NRXN1: variants seen among roughly 807,000 people sequenced by gnomAD.
NRXN1 encodes the protein neurexin-1.
A neutral mutation model predicts 150.9 loss-of-function variants in NRXN1; 39 were observed. That is an observed-to-expected ratio of 0.26 (90% CI 0.20 to 0.34). The LOEUF (loss-of-function observed/expected upper bound fraction) is 0.34. Among genes scored for constraint, NRXN1 ranks in the 10% least tolerant of loss-of-function variants. The probability of loss-of-function intolerance (pLI) is 1.00; values close to 1 mark genes in which losing one functional copy is unlikely to be tolerated. For synonymous variants in NRXN1, 924 were observed against 757.0 expected, an observed-to-expected ratio of 1.22 and a Z score of -3.62; for missense variants, 1,815 against 1,949.9, an observed-to-expected ratio of 0.93 and a Z score of 1.30.
chr2:50,776,570 A>T (rs1703663751), intron 5 of NRXN1, among the ~76,000 whole-genome samples: 1 of 151,400 alleles, frequency 6.6e-6, no homozygotes, highest in Admixed American at 6.6e-5. Flanking sequence ...TCTAATGTGT[A>T]TATATATAAT....
intron 14 of NRXN1, 69 bp from the exon 15 acceptor site, chr2:50,496,164 T>G: frequency 8.0e-7 from 1 of 1,243,168 alleles, no homozygotes; most frequent in South Asian, 1.5e-5. Flanking sequence ...AAGTAGATAT[T>G]ACAAATGGAG....
intron 17 of NRXN1, among the ~76,000 whole-genome samples, chr2:50,433,572 T>C (rs2085161807): frequency 6.6e-6 from 1 of 151,902 alleles, no homozygotes; most frequent in South Asian, 2.1e-4. Context: ...AATTTTTTTT[T>C]TTTTTTCTGA....
chr2:50,171,482 G>C (rs1405483682), intron 18 of NRXN1, among the ~76,000 whole-genome samples: 1 of 151,986 alleles, frequency 6.6e-6, no homozygotes, highest in Non-Finnish European at 1.5e-5. Context: ...GGAAATATAT[G>C]CGCTATCATC....
intron 22 of NRXN1, among the ~76,000 whole-genome samples, chr2:49,923,512 G>C (rs1668577009): frequency 6.6e-6 from 1 of 152,160 alleles, no homozygotes; most frequent in South Asian, 2.1e-4. Context: ...GTGTATGAGT[G>C]TGTGTTCATG....
rs1700233159 is a variant in NRXN1 at position 50,748,396 on chromosome 2, A to G, written c.833-124781T>C. On this transcript the variant is annotated intron_variant, in intron 5 of 22. Transcript: ENST00000401669. The stretch of plus-strand genomic sequence containing the variant: ...TCGATTTGATTTTCATTTAACCTCA[A>G]AAGAATCTGATTACCAAATAACCAT... Among the ~76,000 whole-genome samples, 3 of 152,162 alleles carry G rather than the reference A, an allele frequency of 2.0e-5. No homozygotes were observed. The South Asian group carries it at 6.2e-4, about 32-fold the overall frequency.
intron 2 of NRXN1, among the ~76,000 whole-genome samples, chr2:50,977,688 T>C (rs901646756): frequency 4.6e-5 from 7 of 151,912 alleles, no homozygotes; most frequent in Non-Finnish European, 7.4e-5. Context: ...AGTCAGAGTA[T>C]GGAATTTATC....
chr2:50,218,340 T>G lies in NRXN1; in HGVS notation c.3546+18449A>C, dbSNP rs2063544576. Reference sequence around the variant, plus strand: ...CCTTCAGTGGGAATTGGGTGACAGTTAGCTCCCAGACACGTTTTTGAAGAG... The same window carrying G: ...CCTTCAGTGGGAATTGGGTGACAGTGAGCTCCCAGACACGTTTTTGAAGAG... On this transcript the variant is annotated intron_variant, in intron 18 of 22. Transcript: ENST00000401669. Among the ~76,000 whole-genome samples the G allele has an allele frequency of 1.5e-5, 2 of 131,866 alleles. 1 individual carries two copies. The highest frequency in any genetic ancestry group is 8.1e-3 in the Middle Eastern group (2 of 246). The allele number at this position is 131,866 out of a possible 152,430, so 86.5% of individuals were successfully genotyped here. A position where few individuals can be genotyped will look rare whatever the true frequency, so the allele number is the denominator to read the frequency against.
chr2:50,233,153 T>C (rs1485911492), intron 18 of NRXN1, among the ~76,000 whole-genome samples: 4 of 152,080 alleles, frequency 2.6e-5, no homozygotes, highest in African/African-American at 9.7e-5. Context: ...TCAGAAAATA[T>C]TTATTGAGCA....
chr2:50,079,232 G>A (rs1299157710), intron 19 of NRXN1, among the ~76,000 whole-genome samples: 2 of 151,688 alleles, frequency 1.3e-5, no homozygotes, highest in African/African-American at 2.4e-5. Context: ...AAGTTTTTTC[G>A]GATTAGCTCT....
rs191752873 is a variant in NRXN1 at position 50,513,463 on chromosome 2, G to C, written c.2375-6846C>G. On this transcript the variant is annotated intron_variant, in intron 12 of 22. Coordinates refer to ENST00000401669, the MANE Select transcript of NRXN1 (RefSeq NM_001330078.2). ...CTGAGATTTCACAGTATTTGTGTTT[G>C]GTTATTTAATTCCTAAGCATTCACC... Among the ~76,000 whole-genome samples the C allele has an allele frequency of 4.1e-4, 62 of 152,078 alleles. 1 individual carries two copies. The highest frequency in any genetic ancestry group is 1.5e-3 in the African/African-American group (61 of 41,480).
intron 2 of NRXN1, among the ~76,000 whole-genome samples, chr2:50,962,727 A>T (rs1296511196): frequency 6.6e-6 from 1 of 151,666 alleles, no homozygotes; most frequent in Non-Finnish European, 1.5e-5. Flanking sequence ...AATGTTGATT[A>T]TAAAAACAAA....
intron 17 of NRXN1, among the ~76,000 whole-genome samples, chr2:50,387,943 A>T (rs1168773536): frequency 6.6e-6 from 1 of 152,186 alleles, no homozygotes; most frequent in Non-Finnish European, 1.5e-5. Flanking sequence ...ACACGTCTTG[A>T]AAAAGTAAAA....
chr2:49,948,194 G>A lies in NRXN1; in HGVS notation c.4129-4403C>T, dbSNP rs906940346. Among the ~76,000 whole-genome samples, 7 of 152,150 alleles carry A rather than the reference G, an allele frequency of 4.6e-5. 2 individuals carry two copies. The South Asian group carries it at 1.5e-3, about 32-fold the overall frequency. ...ACAACTGTGTGACTCAGTGGGTAGT[G>A]TTTCATGCAGACTAAATTATTTACG... On this transcript the variant is annotated intron_variant, in intron 21 of 22. Coordinates refer to ENST00000401669, the MANE Select transcript of NRXN1 (RefSeq NM_001330078.2).
chr2:50,830,030 A>AAAAAAAAAG (rs1671193479), intron 5 of NRXN1, among the ~76,000 whole-genome samples: 1 of 135,460 alleles, frequency 7.4e-6, no homozygotes, highest in African/African-American at 2.7e-5. Flanking sequence ...AAAAAAAAAA[A>AAAAAAAAAG]GCTCATTTCT....
At chr2:50,247,544 G>A (rs905188595) in intron 17 of NRXN1, among the ~76,000 whole-genome samples, 1 of 152,106 alleles carries the variant, frequency 6.6e-6, no homozygotes, top group Non-Finnish European at 1.5e-5. Context: ...AAAATTCACA[G>A]TCTCAGTTTT....
At chr2:51,017,368 C>T (rs1249237022) in intron 2 of NRXN1, among the ~76,000 whole-genome samples, 2 of 149,620 alleles carry the variant, frequency 1.3e-5, no homozygotes, top group Admixed American at 1.3e-4. Context: ...TAGGGTCTTG[C>T]TCGGTTGCTC....
intron 14 of NRXN1, 68 bp downstream of exon 14, chr2:50,497,265 A>AT (rs1398098698): frequency 1.6e-6 from 2 of 1,266,354 alleles, no homozygotes; most frequent in East Asian, 2.4e-5. Context: ...CTTAGTGTAT[A>AT]TTTTTGGAAA....
At chr2:50,361,950 C>T (rs534496084) in intron 17 of NRXN1, among the ~76,000 whole-genome samples, 1 of 152,168 alleles carries the variant, frequency 6.6e-6, no homozygotes, top group African/African-American at 2.4e-5. Context: ...TCAGCATACA[C>T]AAATCAATAA....
chr2:50,628,362 G>A (rs1034251343), intron 5 of NRXN1, among the ~76,000 whole-genome samples: 7 of 151,368 alleles, frequency 4.6e-5, no homozygotes, highest in African/African-American at 1.2e-4. Flanking sequence ...TACATTAAAG[G>A]CAACCACATA....
Sources: allele counts gnomAD v4.1 joint callset (sites outside exome capture counted in the v4.1 genomes callset), GRCh38; gene constraint gnomAD v4.1.1; transcripts MANE v1.5; gene names NCBI Gene and HGNC (gene_info 2026-07-23, HGNC 2026-07-21).